MYBL1: variants seen among roughly 807,000 people sequenced by gnomAD.
MYBL1 encodes myb-related protein A.
MYBL1 carries 17 observed loss-of-function variants against 96.3 expected under a neutral mutation model. That is an observed-to-expected ratio of 0.18 (90% CI 0.12 to 0.26). The LOEUF is 0.26. Among genes scored for constraint, MYBL1 ranks in the 10% least tolerant of loss-of-function variants. The probability of loss-of-function intolerance (pLI) is 1.00; values close to 1 mark genes in which losing one functional copy is unlikely to be tolerated. For missense variants in MYBL1, 701 were observed against 882.9 expected, an observed-to-expected ratio of 0.79 and a Z score of 2.61; for synonymous variants, 282 against 292.7, an observed-to-expected ratio of 0.96 and a Z score of 0.37.
chr8:66,612,783 GC>G, intron 1 of MYBL1, 35 bp downstream of exon 1: 11 of 1,349,432 alleles, frequency 8.2e-6, no homozygotes, highest in Non-Finnish European at 1.1e-5. Flanking sequence ...AGCCGAGACG[GC>G]GCCGACAGGC....
chr8:66,580,573 G>A (rs1311501133), intron 8 of MYBL1, among the ~76,000 whole-genome samples: 1 of 152,086 alleles, frequency 6.6e-6, no homozygotes, highest in Non-Finnish European at 1.5e-5. Context: ...ATCATGATGA[G>A]ATAAAACAAG....
At chr8:66,589,269 T>C (rs1809541257) in intron 8 of MYBL1, among the ~76,000 whole-genome samples, 1 of 152,010 alleles carries the variant, frequency 6.6e-6, no homozygotes, top group Non-Finnish European at 1.5e-5. Context: ...GGTTTAAACA[T>C]GATATAATCA....
intron 14 of MYBL1, 39 bp from the exon 15 acceptor site, chr8:66,566,282 A>T: frequency 7.8e-7 from 1 of 1,274,254 alleles, no homozygotes; most frequent in Admixed American, 2.7e-5. Flanking sequence ...AACTAATTCA[A>T]AAATGGAGAC....
intron 4 of MYBL1, among the ~76,000 whole-genome samples, chr8:66,597,752 A>T (rs192881542): frequency 2.6e-3 from 391 of 151,696 alleles, no homozygotes; most frequent in African/African-American, 9.0e-3. Context: ...CCAAGGGGCT[A>T]ATTAAAGACT....
intron 1 of MYBL1, 64 bp downstream of exon 1, chr8:66,612,755 G>C: frequency 1.5e-6 from 2 of 1,336,536 alleles, no homozygotes; most frequent in Non-Finnish European, 1.9e-6. Context: ...GGGGCAGCGG[G>C]ATAGGAAAGA....
At chr8:66,590,783 G>A (rs1809607299) in intron 8 of MYBL1, among the ~76,000 whole-genome samples, 1 of 151,982 alleles carries the variant, frequency 6.6e-6, no homozygotes, top group Admixed American at 6.6e-5. Context: ...TGAAGGGAGG[G>A]ACAGGGAAAT....
At chr8:66,595,353 C>T (rs1586587674) in intron 6 of MYBL1, among the ~76,000 whole-genome samples, 1 of 152,006 alleles carries the variant, frequency 6.6e-6, no homozygotes, top group East Asian at 1.9e-4. Flanking sequence ...TTCAAAGAAT[C>T]AGAGTATTAG....
At chr8:66,568,757 T>C (rs1358167286) in intron 12 of MYBL1, among the ~76,000 whole-genome samples, 2 of 152,138 alleles carry the variant, frequency 1.3e-5, no homozygotes, top group Non-Finnish European at 2.9e-5. Flanking sequence ...CCGGGCGCAG[T>C]GGCTCATGCC....
At position 66,576,022 on chromosome 8, in the gene MYBL1, T is replaced by C. The variant is rs1202661314; in HGVS notation, c.1455A>G (p.Pro485=). 6.2e-7 allele frequency: 1 copy of C among 1,611,514 alleles called. No individual in the cohort carries two copies. The highest frequency in any genetic ancestry group is 8.5e-7 in the Non-Finnish European group (1 of 1,178,298). ...ALKHTPLKTL[P]FSPSQFFNTC... ...ACACCACTACCTGTGAAGGAGAAAA[T>C]GGTAGTGTTTTCAGTGGTGTATGTT... The change falls in exon 10 of 16, where the codon CCA becomes CCG. Residue 485 remains proline, a synonymous_variant. Transcript: ENST00000522677.
At chr8:66,609,358 G>A (rs1418224046) in intron 1 of MYBL1, among the ~76,000 whole-genome samples, 1 of 151,722 alleles carries the variant, frequency 6.6e-6, no homozygotes, top group Non-Finnish European at 1.5e-5. Flanking sequence ...ATTTGCTCTA[G>A]TAAAATCGCA....
rs1586543936 is a variant in MYBL1 at position 66,564,804 on chromosome 8, C to T, written c.2152G>A (p.Val718Met). 1 of 1,571,120 alleles carries T rather than the reference C, an allele frequency of 6.4e-7. No homozygotes were observed. Among genetic ancestry groups the T allele is most frequent in the Non-Finnish European group, 8.7e-7 (1 of 1,154,384 alleles). The change falls in exon 16 of 16, where the codon GTG becomes ATG. Residue 718 changes from valine (V) to methionine (M), a missense_variant. Coordinates refer to ENST00000522677, the MANE Select transcript of MYBL1 (RefSeq NM_001080416.4). ...NLQSNCEWET[V>M]VYGKTEDQLI... is the part of the protein sequence containing the mutation. ...TGGTCTTCTGTCTTCCCATAAACCACTGTTTCCCATTCACAATTTGACTAG... is the reference window on the plus strand; with the variant it reads ...TGGTCTTCTGTCTTCCCATAAACCATTGTTTCCCATTCACAATTTGACTAG...
Position 66,572,487 on chromosome 8 carries a change from T to C in MYBL1, c.1723A>G (p.Ile575Val). The C allele has an allele frequency of 1.9e-6, 3 of 1,538,550 alleles. No homozygotes were observed. The highest frequency in any genetic ancestry group is 1.8e-4 in the Middle Eastern group (1 of 5,454). The change falls in exon 12 of 16, where the codon ATT (isoleucine) becomes GTT (valine). Residue 575 changes from isoleucine (I) to valine (V), a missense_variant. Transcript: ENST00000522677. Reference sequence around the variant, plus strand: ...AATAAAATGAATATACATACCACAATTTTAAGAGGTCCATATTTTTTCTCC... The same window carrying C: ...AATAAAATGAATATACATACCACAACTTTAAGAGGTCCATATTTTTTCTCC... ...AQEKKYGPLK[I>V]VSQPLAFLEE...
At chr8:66,603,310 G>A (rs184435761) in intron 1 of MYBL1, among the ~76,000 whole-genome samples, 30 of 151,900 alleles carry the variant, frequency 2.0e-4, no homozygotes, top group Admixed American at 1.2e-3. Context: ...AAATTATTGG[G>A]GCCTGACAAA....
rs1332747447 is a variant in MYBL1 at position 66,562,652 on chromosome 8, C to T, written c.*2045G>A. The T allele has an allele frequency of 3.3e-5, 5 of 152,390 alleles. No individual in the cohort carries two copies. The Admixed American group carries it at 3.3e-4, about 10-fold the overall frequency. The allele number at this position is 152,390 out of a possible 1,614,324, so 9.4% of individuals were successfully genotyped here. On this transcript the variant is annotated 3_prime_UTR_variant, in exon 16 of 16. Transcript: ENST00000522677. ...GATATTATACTTTGGTGATTGCAGA[C>T]TATGTATATCCAGGTAAGGGCTACA...
Position 66,613,014 on chromosome 8 carries a change from C to CCGCGA in MYBL1, c.-181_-177dup. 13 of 674,898 alleles carry CCGCGA rather than the reference C, an allele frequency of 1.9e-5. No individual in the cohort carries two copies. The highest frequency in any genetic ancestry group is 2.8e-5 in the Non-Finnish European group (13 of 472,216). The allele number at this position is 674,898 out of a possible 1,614,324, so 41.8% of individuals were successfully genotyped here. ...AGGACGGAGGGACAGCGGGGGCGGACCGCGACCCGACCCCGACCCCGGCCC... is the reference window on the plus strand; with the variant it reads ...AGGACGGAGGGACAGCGGGGGCGGACCGCGACGCGACCCGACCCCGACCCCGGCCC... On this transcript the variant is annotated 5_prime_UTR_variant, in exon 1 of 16. Coordinates refer to ENST00000522677, the MANE Select transcript of MYBL1 (RefSeq NM_001080416.4).
chr8:66,596,336 G>A (rs930928286), intron 5 of MYBL1, among the ~76,000 whole-genome samples: 3 of 152,106 alleles, frequency 2.0e-5, no homozygotes, highest in African/African-American at 7.2e-5. Context: ...GTAAGAAAGA[G>A]TTAATTGGCT....
chr8:66,576,843 G>C (rs1377985134), intron 9 of MYBL1, among the ~76,000 whole-genome samples: 4 of 152,106 alleles, frequency 2.6e-5, no homozygotes, highest in Admixed American at 2.6e-4. Flanking sequence ...TATGTTATCT[G>C]TAGTACTGAA....
rs1199899125 is a variant in MYBL1 at position 66,564,123 on chromosome 8, C to T, written c.*574G>A. 6.6e-6 allele frequency: 1 copy of T among 151,932 alleles called. No individual in the cohort carries two copies. Among genetic ancestry groups the T allele is most frequent in the Admixed American group, 6.6e-5 (1 of 15,188 alleles). The allele number at this position is 151,932 out of a possible 1,614,324, so 9.4% of individuals were successfully genotyped here. On this transcript the variant is annotated 3_prime_UTR_variant, in exon 16 of 16. Transcript: ENST00000522677. The stretch of plus-strand genomic sequence containing the variant: ...TTTTGAATGCTTTTTGTTTTCAGTA[C>T]TATGCTCAAATAAATACATTTAACA...
At chr8:66,567,136 C>A in intron 12 of MYBL1, 144 bp from the exon 13 acceptor site, 1 of 577,568 alleles carries the variant, frequency 1.7e-6, no homozygotes, top group Non-Finnish European at 3.0e-6. Flanking sequence ...TAAATTAATT[C>A]ATGTTGTGGC....
Sources: allele counts gnomAD v4.1 joint callset (sites outside exome capture counted in the v4.1 genomes callset), GRCh38; gene constraint gnomAD v4.1.1; transcripts MANE v1.5; gene names NCBI Gene and HGNC (gene_info 2026-07-23, HGNC 2026-07-21).